The following ADGRL2 variants were observed in gnomAD, a reference collection of about 807,000 sequenced individuals.
ADGRL2 encodes the protein adhesion G protein-coupled receptor L2.
Under a neutral mutation model 157.4 loss-of-function variants are expected in ADGRL2, and 44 were observed. That is an observed-to-expected ratio of 0.28 (90% CI 0.22 to 0.36). ADGRL2 has a LOEUF of 0.36. Among genes scored for constraint, ADGRL2 ranks in the 10% least tolerant of loss-of-function variants. ADGRL2 has a pLI of 1.00. For missense variants in ADGRL2, 1,510 were observed against 1,768.9 expected (o/e 0.85, Z 2.63); for synonymous variants, 585 against 624.7 (o/e 0.94, Z 0.95).
chr1:81,833,120 A>G (rs925811187), intron 1 of ADGRL2, among the ~76,000 whole-genome samples: 1 of 152,222 alleles, frequency 6.6e-6, no homozygotes, highest in Non-Finnish European at 1.5e-5. Context: ...CATAATGATT[A>G]TAATTTTATG....
chr1:81,357,766 C>A (rs1570714658), intron 1 of ADGRL2, among the ~76,000 whole-genome samples: 1 of 152,202 alleles, frequency 6.6e-6, no homozygotes, highest in East Asian at 1.9e-4. Context: ...CAGCCAATAA[C>A]TAATAAAATC....
At chr1:81,512,066 G>A (rs913040913) in intron 2 of ADGRL2, among the ~76,000 whole-genome samples, 1 of 152,032 alleles carries the variant, frequency 6.6e-6, no homozygotes, top group Non-Finnish European at 1.5e-5. Context: ...GAGCAAATGA[G>A]GAGATTTTAA....
chr1:81,766,814 G>A (rs1329607948), intron 2 of ADGRL2, among the ~76,000 whole-genome samples: 1 of 74,508 alleles, frequency 1.3e-5, no homozygotes, highest in African/African-American at 5.4e-5. Flanking sequence ...TGGGCAACAA[G>A]AGCAAAACTC....
chr1:81,497,615 T>C (rs1050887474), intron 2 of ADGRL2, among the ~76,000 whole-genome samples: 1 of 152,332 alleles, frequency 6.6e-6, no homozygotes, highest in Non-Finnish European at 1.5e-5. Context: ...ATCCTAGGAC[T>C]ACCTGTTATG....
At chr1:81,328,062 A>G (rs1661017892) in intron 1 of ADGRL2, among the ~76,000 whole-genome samples, 2 of 152,174 alleles carry the variant, frequency 1.3e-5, no homozygotes, top group Non-Finnish European at 2.9e-5. Context: ...TTTAGAAAGT[A>G]GTGTCCCAGA....
chr1:81,615,836 G>A (rs2081634235), intron 3 of ADGRL2, among the ~76,000 whole-genome samples: 1 of 152,192 alleles, frequency 6.6e-6, no homozygotes, highest in African/African-American at 2.4e-5. Flanking sequence ...GAATGGTTAG[G>A]AAGAAGCGAT....
chr1:81,591,848 C>G (rs558935971), intron 3 of ADGRL2, among the ~76,000 whole-genome samples: 4 of 152,248 alleles, frequency 2.6e-5, no homozygotes, highest in African/African-American at 9.6e-5. Context: ...ATCACGTAAG[C>G]TTGAAAGTGG....
intron 2 of ADGRL2, among the ~76,000 whole-genome samples, chr1:81,530,755 G>T (rs12727154): frequency 6.6e-6 from 1 of 152,104 alleles, no homozygotes. Flanking sequence ...TAGTACATAG[G>T]ATGAGCTGGA....
At chr1:81,876,661 A>G (rs563304756) in intron 2 of ADGRL2, among the ~76,000 whole-genome samples, 1 of 152,216 alleles carries the variant, frequency 6.6e-6, no homozygotes, top group Admixed American at 6.6e-5. Context: ...TAATAATCCA[A>G]CACCCTAATT....
chr1:81,906,936 A>G (rs934693899), intron 2 of ADGRL2, 81 bp from the exon 3 acceptor site: 1 of 1,109,780 alleles, frequency 9.0e-7, no homozygotes, highest in Non-Finnish European at 1.3e-6. Flanking sequence ...GACATGAATC[A>G]TATTACTTGA....
intron 1 of ADGRL2, among the ~76,000 whole-genome samples, chr1:81,725,594 T>C (rs920469974): frequency 1.8e-4 from 28 of 152,254 alleles, no homozygotes; most frequent in African/African-American, 6.5e-4. Context: ...TTGTGTGTTA[T>C]GTTAACATAT....
At chr1:81,865,787 A>G (rs553183336) in intron 2 of ADGRL2, among the ~76,000 whole-genome samples, 7 of 152,330 alleles carry the variant, frequency 4.6e-5, no homozygotes, top group Non-Finnish European at 1.0e-4. Flanking sequence ...TTTGTTGGAA[A>G]TGGTTTTATT....
chr1:81,747,396 G>C (rs937381033), intron 1 of ADGRL2, among the ~76,000 whole-genome samples: 3 of 151,296 alleles, frequency 2.0e-5, no homozygotes, highest in African/African-American at 2.4e-5. Context: ...TGCCTCCCAG[G>C]TTCAAGGGAT....
At chr1:81,837,348 A>G (rs1294420852) in intron 2 of ADGRL2, among the ~76,000 whole-genome samples, 1 of 151,980 alleles carries the variant, frequency 6.6e-6, no homozygotes. Context: ...TACATTTTAC[A>G]TTTATTCACT....
intron 2 of ADGRL2, among the ~76,000 whole-genome samples, chr1:81,763,216 ATATT>A (rs2085961745): frequency 6.6e-6 from 1 of 152,132 alleles, no homozygotes; most frequent in East Asian, 1.9e-4. Context: ...TCAAAAGAGC[ATATT>A]TATTATTAGA....
At chr1:81,727,304 T>C (rs2084563835) in intron 1 of ADGRL2, among the ~76,000 whole-genome samples, 1 of 152,152 alleles carries the variant, frequency 6.6e-6, no homozygotes, top group South Asian at 2.1e-4. Context: ...AAAATAAAAA[T>C]TATCTATAAT....
At chr1:81,884,029 T>A (rs1212736407) in intron 2 of ADGRL2, among the ~76,000 whole-genome samples, 1 of 151,458 alleles carries the variant, frequency 6.6e-6, no homozygotes, top group Non-Finnish European at 1.5e-5. Context: ...TCTTACTTTG[T>A]CACCCAGTCT....
chr1:81,762,979 G>C (rs1450941463), intron 2 of ADGRL2, among the ~76,000 whole-genome samples: 1 of 149,416 alleles, frequency 6.7e-6, no homozygotes, highest in Non-Finnish European at 1.5e-5. Context: ...GTGAACCCAG[G>C]AGGTGGAGCT....
intron 1 of ADGRL2, among the ~76,000 whole-genome samples, chr1:81,720,147 TC>T (rs1236550416): frequency 2.0e-5 from 3 of 151,878 alleles, no homozygotes; most frequent in Admixed American, 6.6e-5. Context: ...GTTGAAAAGG[TC>T]AGCACTGAAA....
Sources: allele counts gnomAD v4.1 joint callset (sites outside exome capture counted in the v4.1 genomes callset), GRCh38; gene constraint gnomAD v4.1.1; transcripts MANE v1.5; gene names NCBI Gene and HGNC (gene_info 2026-07-23, HGNC 2026-07-21).